Variants in SLC25A26 observed in about 807,000 individuals in gnomAD.
The protein encoded by SLC25A26 is solute carrier family 25 member 26.
Under a neutral mutation model 37.8 loss-of-function variants are expected in SLC25A26, and 36 were observed. The ratio of observed to expected loss-of-function variants is 0.95; its 90% CI spans 0.73 to 1.26. The LOEUF is 1.26. Ranked by LOEUF, SLC25A26 falls within the 50% of genes most tolerant of loss-of-function variation. SLC25A26 has a pLI of 0.00. For synonymous variants in SLC25A26, 129 were observed against 122.5 expected (o/e 1.05, Z -0.35); for missense variants, 390 against 331.1 (o/e 1.18, Z -1.38).
At chr3:66,335,278 A>G (rs947114160) in intron 5 of SLC25A26, among the ~76,000 whole-genome samples, 7 of 152,220 alleles carry the variant, frequency 4.6e-5, no homozygotes, top group Non-Finnish European at 7.3e-5. Flanking sequence ...ATTATCATAA[A>G]TAAGAATTAA....
intron 6 of SLC25A26, among the ~76,000 whole-genome samples, chr3:66,355,647 G>A (rs963125094): frequency 6.6e-6 from 1 of 152,196 alleles, no homozygotes; most frequent in African/African-American, 2.4e-5. Context: ...AGACATAGTA[G>A]TATGTGAGTA....
chr3:66,357,909 C>A (rs1252191661), intron 6 of SLC25A26, among the ~76,000 whole-genome samples: 1 of 152,180 alleles, frequency 6.6e-6, no homozygotes, highest in Non-Finnish European at 1.5e-5. Flanking sequence ...TCAGGCAAAT[C>A]TCCTAGAACT....
intron 9 of SLC25A26, among the ~76,000 whole-genome samples, chr3:66,376,472 C>T (rs184528176): frequency 4.2e-4 from 64 of 152,264 alleles, no homozygotes; most frequent in Admixed American, 1.9e-3. Context: ...AGCCATCATT[C>T]AAAGCAAGAC....
At chr3:66,208,030 T>A (rs1357379304) in intron 1 of SLC25A26, among the ~76,000 whole-genome samples, 1 of 152,184 alleles carries the variant, frequency 6.6e-6, no homozygotes, top group Non-Finnish European at 1.5e-5. Context: ...ACTTATATAT[T>A]GCATGGAAAA....
intron 1 of SLC25A26, among the ~76,000 whole-genome samples, chr3:66,203,308 G>GA (rs2071133071): frequency 6.6e-6 from 1 of 152,006 alleles, no homozygotes; most frequent in East Asian, 1.9e-4. Flanking sequence ...CTGAGCCCAG[G>GA]AATTTGTGGC....
intron 1 of SLC25A26, among the ~76,000 whole-genome samples, chr3:66,232,786 G>T (rs1048847811): frequency 3.3e-5 from 5 of 152,252 alleles, no homozygotes; most frequent in Admixed American, 6.5e-5. Context: ...CATCCTCGGG[G>T]CTGTTGGAAA....
chr3:66,271,252 A>C (rs553241656), intron 5 of SLC25A26, among the ~76,000 whole-genome samples: 1 of 152,246 alleles, frequency 6.6e-6, no homozygotes, highest in Non-Finnish European at 1.5e-5. Context: ...AGAAAATTTG[A>C]CTACAATGGT....
chr3:66,286,597 G>T (rs1446524051), intron 5 of SLC25A26, among the ~76,000 whole-genome samples: 1 of 152,024 alleles, frequency 6.6e-6, no homozygotes, highest in Non-Finnish European at 1.5e-5. Flanking sequence ...CTTTATTTAG[G>T]TGTTTGTTTT....
chr3:66,371,763 G>GA (rs148284844), intron 9 of SLC25A26, among the ~76,000 whole-genome samples: 19 of 152,056 alleles, frequency 1.2e-4, no homozygotes, highest in African/African-American at 4.1e-4. Context: ...AATGGGGTGA[G>GA]AAAAAATGAG....
Position 66,283,455 on chromosome 3 carries a change from A to AT in SLC25A26, c.453+20083dup, listed in dbSNP as rs1236814375. ...ACCACCATACCTGGCTAATTTTTGT[A>AT]TTTTTTTGTAGAGATGGGGTTTCAC... On this transcript the variant is annotated intron_variant, in intron 5 of 9. Coordinates refer to ENST00000354883, the MANE Select transcript of SLC25A26 (RefSeq NM_001379210.1). Among the ~76,000 whole-genome samples, 10 of 151,938 alleles carry AT rather than the reference A, an allele frequency of 6.6e-5. No individual in the cohort carries two copies. In the East Asian group the frequency reaches 1.2e-3, roughly 18 times the overall value.
At chr3:66,311,384 G>T (rs1481531184) in intron 5 of SLC25A26, among the ~76,000 whole-genome samples, 1 of 151,982 alleles carries the variant, frequency 6.6e-6, no homozygotes, top group Non-Finnish European at 1.5e-5. Flanking sequence ...CTAGTTAGCT[G>T]TTCCTGTAAC....
At chr3:66,261,327 G>A (rs2073520589) in intron 3 of SLC25A26, among the ~76,000 whole-genome samples, 2 of 152,150 alleles carry the variant, frequency 1.3e-5, no homozygotes, top group East Asian at 3.8e-4. Context: ...TGTGGGCAGA[G>A]TTCCTTTGGG....
At chr3:66,232,368 G>T (rs1388291513) in intron 1 of SLC25A26, among the ~76,000 whole-genome samples, 3 of 152,060 alleles carry the variant, frequency 2.0e-5, no homozygotes, top group African/African-American at 7.2e-5. Flanking sequence ...AAAATTCAGT[G>T]TACCTTTTTA....
At chr3:66,319,999 G>C (rs1001305981) in intron 5 of SLC25A26, among the ~76,000 whole-genome samples, 2 of 151,990 alleles carry the variant, frequency 1.3e-5, no homozygotes, top group African/African-American at 4.8e-5. Context: ...CGCTGCCTTA[G>C]CCTCCCAAAG....
chr3:66,208,662 G>GTATA (rs1199617173), intron 1 of SLC25A26, among the ~76,000 whole-genome samples: 59,209 of 117,662 alleles, frequency 0.5, 17,465 homozygotes, highest in South Asian at 0.71. Flanking sequence ...CTTTATATGG[G>GTATA]TATATATATA....
At chr3:66,285,699 A>T (rs1043100658) in intron 5 of SLC25A26, among the ~76,000 whole-genome samples, 5 of 151,804 alleles carry the variant, frequency 3.3e-5, no homozygotes, top group African/African-American at 1.2e-4. Flanking sequence ...ACCTCAAGTG[A>T]TCTACCTGCC....
At chr3:66,213,410 A>G (rs1275702588) in intron 1 of SLC25A26, among the ~76,000 whole-genome samples, 18 of 149,352 alleles carry the variant, frequency 1.2e-4, no homozygotes, top group African/African-American at 4.4e-4. Flanking sequence ...AAAAAAAAAA[A>G]AAAAAAAAAA....
intron 5 of SLC25A26, among the ~76,000 whole-genome samples, chr3:66,341,184 G>A (rs768884755): frequency 2.0e-5 from 3 of 152,064 alleles, no homozygotes; most frequent in Non-Finnish European, 4.4e-5. Flanking sequence ...CATTCAGTCT[G>A]TCACCATTAA....
chr3:66,356,423 G>A (rs1451477171), intron 6 of SLC25A26, among the ~76,000 whole-genome samples: 2 of 152,012 alleles, frequency 1.3e-5, no homozygotes, highest in Admixed American at 6.6e-5. Flanking sequence ...TTTTTGTAGT[G>A]GTATCACTGA....
Sources: allele counts gnomAD v4.1 joint callset (sites outside exome capture counted in the v4.1 genomes callset), GRCh38; gene constraint gnomAD v4.1.1; transcripts MANE v1.5; gene names NCBI Gene and HGNC (gene_info 2026-07-23, HGNC 2026-07-21).